KALRN: variants seen among roughly 807,000 people sequenced by gnomAD.
The protein encoded by KALRN is kalirin RhoGEF kinase.
KALRN carries 70 observed loss-of-function variants against 353.7 expected under a neutral mutation model. The ratio of observed to expected loss-of-function variants is 0.20; its 90% CI spans 0.16 to 0.24. KALRN has a LOEUF of 0.24. Ranked by LOEUF, KALRN falls within the 10% of genes least tolerant of loss-of-function variation. KALRN has a pLI of 1.00. For synonymous variants in KALRN, 1,391 were observed against 1,434.8 expected, an observed-to-expected ratio of 0.97 and a Z score of 0.69; for missense variants, 2,791 against 3,756.7, an observed-to-expected ratio of 0.74 and a Z score of 6.72.
chr3:124,579,621 C>A (rs2074435099), intron 34 of KALRN, among the ~76,000 whole-genome samples: 1 of 152,130 alleles, frequency 6.6e-6, no homozygotes, highest in Non-Finnish European at 1.5e-5. Flanking sequence ...AGAAGCCTCT[C>A]TAGCTATTCA....
At chr3:124,505,194 G>A (rs1365136541) in intron 33 of KALRN, among the ~76,000 whole-genome samples, 7 of 152,262 alleles carry the variant, frequency 4.6e-5, no homozygotes, top group African/African-American at 1.7e-4. Flanking sequence ...AATCCACATT[G>A]TCAAAACTAA....
intron 21 of KALRN, among the ~76,000 whole-genome samples, chr3:124,448,054 G>A (rs1329953618): frequency 6.6e-6 from 1 of 152,186 alleles, no homozygotes; most frequent in Non-Finnish European, 1.5e-5. Flanking sequence ...TTAACAGGCT[G>A]AATAGTATGA....
chr3:124,713,148 G>A lies in KALRN; in HGVS notation c.8276+13G>A, dbSNP rs200169223. 77 of 1,602,626 alleles carry A rather than the reference G, an allele frequency of 4.8e-5. No individual in the cohort carries two copies. The highest frequency in any genetic ancestry group is 1.7e-4 in the African/African-American group (13 of 74,580). ...TGATCTTGGAACTGTAAGTACAGAC[G>A]CCATCTCTCTAAAGTCGCCTGCATC... On this transcript the variant is annotated intron_variant, in intron 58 of 59. Coordinates refer to ENST00000682506, the MANE Select transcript of KALRN (RefSeq NM_001388419.1).
At chr3:124,564,977 C>A (rs1369028861) in intron 34 of KALRN, among the ~76,000 whole-genome samples, 2 of 152,228 alleles carry the variant, frequency 1.3e-5, no homozygotes, top group Non-Finnish European at 2.9e-5. Context: ...CTAGATATTT[C>A]TAGGAGAGGA....
At chr3:124,153,440 C>G (rs2068498906) in intron 1 of KALRN, among the ~76,000 whole-genome samples, 1 of 151,232 alleles carries the variant, frequency 6.6e-6, no homozygotes, top group Non-Finnish European at 1.5e-5. Flanking sequence ...CTACAAAGGA[C>G]ATGAACTCAT....
chr3:124,585,469 G>A (rs2075072960), intron 34 of KALRN, among the ~76,000 whole-genome samples: 1 of 152,192 alleles, frequency 6.6e-6, no homozygotes. Context: ...GCCGGAGCTT[G>A]GCTCATTAAT....
rs1304926414 is a variant in KALRN at position 124,695,164 on chromosome 3, A to T, written c.7577+661A>T. On this transcript the variant is annotated intron_variant, in intron 53 of 59. Transcript: ENST00000682506. ...ATTCTAAAATGTGCAATAGAAAATC[A>T]AGCCGCAAGGATGCTTCTACACACA... Among the ~76,000 whole-genome samples, 5 of 152,346 alleles carry T rather than the reference A, an allele frequency of 3.3e-5. No individual in the cohort carries two copies. The East Asian group carries it at 7.7e-4, about 24-fold the overall frequency.
At chr3:124,109,820 T>C (rs1186628392) in intron 1 of KALRN, among the ~76,000 whole-genome samples, 3 of 1,952 alleles carry the variant, frequency 1.5e-3, no homozygotes, top group Non-Finnish European at 3.0e-3. Flanking sequence ...TATATCATAC[T>C]TTGATATATA....
intron 10 of KALRN, among the ~76,000 whole-genome samples, chr3:124,366,182 T>C (rs7646556): frequency 0.32 from 47,953 of 151,946 alleles, 8,617 homozygotes; most frequent in Middle Eastern, 0.49. Context: ...TTTGTGATTG[T>C]ATATTTTATT....
intron 1 of KALRN, chr3:124,094,590 T>C (rs1431911260): frequency 9.1e-6 from 5 of 550,256 alleles, no homozygotes; most frequent in Non-Finnish European, 1.6e-5. Flanking sequence ...CGACCTCCCC[T>C]TGGGTCCAGG....
At chr3:124,602,207 A>C (rs772322362) in intron 34 of KALRN, among the ~76,000 whole-genome samples, 3 of 152,164 alleles carry the variant, frequency 2.0e-5, no homozygotes, top group Non-Finnish European at 4.4e-5. Context: ...AAAATCACAT[A>C]TAGACCTTCA....
At chr3:124,123,783 C>T (rs948845676) in intron 1 of KALRN, among the ~76,000 whole-genome samples, 3 of 152,160 alleles carry the variant, frequency 2.0e-5, no homozygotes, top group African/African-American at 7.2e-5. Context: ...TTACCATTCC[C>T]CCAAATCCCG....
chr3:124,305,894 G>A (rs1560515082), intron 6 of KALRN, among the ~76,000 whole-genome samples: 1 of 151,406 alleles, frequency 6.6e-6, no homozygotes, highest in Non-Finnish European at 1.5e-5. Flanking sequence ...ATATGTACTA[G>A]AAAAAAAATA....
At chr3:124,112,169 G>C (rs976119434) in intron 1 of KALRN, among the ~76,000 whole-genome samples, 3 of 151,966 alleles carry the variant, frequency 2.0e-5, no homozygotes, top group Admixed American at 2.0e-4. Flanking sequence ...CAGGTGCAGT[G>C]GTGCACACCT....
chr3:124,562,289 G>A (rs929617185), intron 33 of KALRN, among the ~76,000 whole-genome samples: 3 of 152,156 alleles, frequency 2.0e-5, no homozygotes, highest in African/African-American at 7.2e-5. Context: ...GGGATGGGAG[G>A]TGTTGCAGGG....
At chr3:124,268,469 T>C (rs1486955892) in intron 4 of KALRN, 1 of 441,874 alleles carries the variant, frequency 2.3e-6, no homozygotes, top group African/African-American at 2.0e-5. Context: ...GGAGGGAAAA[T>C]GAGGAGAGGA....
chr3:124,193,429 T>C (rs1166894163), intron 1 of KALRN, among the ~76,000 whole-genome samples: 2 of 151,054 alleles, frequency 1.3e-5, no homozygotes, highest in Non-Finnish European at 2.9e-5. Flanking sequence ...GATAAGCTAT[T>C]TCCTGAATTG....
chr3:124,623,426 AC>A (rs1369988458), intron 34 of KALRN, among the ~76,000 whole-genome samples: 6 of 142,746 alleles, frequency 4.2e-5, no homozygotes, highest in East Asian at 2.0e-4. Flanking sequence ...ACACACACAC[AC>A]AAAAGGGAGT....
At chr3:124,580,925 T>C (rs1377250992) in intron 34 of KALRN, among the ~76,000 whole-genome samples, 3 of 140,086 alleles carry the variant, frequency 2.1e-5, no homozygotes, top group Non-Finnish European at 4.9e-5. Context: ...CCAGGGAACA[T>C]GGCAAAACCC....
Sources: allele counts gnomAD v4.1 joint callset (sites outside exome capture counted in the v4.1 genomes callset), GRCh38; gene constraint gnomAD v4.1.1; transcripts MANE v1.5; gene names NCBI Gene and HGNC (gene_info 2026-07-23, HGNC 2026-07-21).